The following SGK3 variants were observed in gnomAD, a reference collection of about 807,000 sequenced individuals.
The protein encoded by SGK3 is serine/threonine-protein kinase Sgk3.
Under a neutral mutation model 68.5 loss-of-function variants are expected in SGK3, and 47 were observed. That is an observed-to-expected ratio of 0.69 (90% CI 0.54 to 0.87). The LOEUF is 0.87. SGK3 is among the 40% of genes least tolerant of loss of function. The pLI, the probability that SGK3 is intolerant of heterozygous loss-of-function variation, is 0.00. For synonymous variants in SGK3, 181 were observed against 189.1 expected, an observed-to-expected ratio of 0.96 and a Z score of 0.35; for missense variants, 479 against 575.5, an observed-to-expected ratio of 0.83 and a Z score of 1.72.
intron 1 of SGK3, among the ~76,000 whole-genome samples, chr8:66,759,266 G>T (rs1806082566): frequency 6.7e-6 from 1 of 150,012 alleles, no homozygotes; most frequent in African/African-American, 2.5e-5. Context: ...TTTATTTTTA[G>T]TAGAGATGGG....
At chr8:66,800,902 T>G (rs1468493842) in intron 3 of SGK3, among the ~76,000 whole-genome samples, 1 of 152,196 alleles carries the variant, frequency 6.6e-6, no homozygotes, top group Non-Finnish European at 1.5e-5. Context: ...GGAGGATCAC[T>G]TGAGCCTGGG....
chr8:66,836,159 C>A (rs1809521314), intron 10 of SGK3, 85 bp downstream of exon 10: 11 of 1,508,378 alleles, frequency 7.3e-6, no homozygotes, highest in Non-Finnish European at 9.8e-6. Flanking sequence ...TTTAGAAGGA[C>A]AGTATAAAAT....
At chr8:66,767,608 T>C (rs1456827292) in intron 1 of SGK3, 1 of 1,367,820 alleles carries the variant, frequency 7.3e-7, no homozygotes, top group Non-Finnish European at 1.0e-6. Context: ...AATCTGGTGC[T>C]CTTCAGGCAG....
At chr8:66,820,409 T>C (rs1808764209) in intron 5 of SGK3, among the ~76,000 whole-genome samples, 1 of 152,238 alleles carries the variant, frequency 6.6e-6, no homozygotes, top group South Asian at 2.1e-4. Flanking sequence ...ATGGCTAATA[T>C]CACATTGTAT....
At chr8:66,797,452 C>T (rs759644531) in intron 2 of SGK3, among the ~76,000 whole-genome samples, 3 of 152,240 alleles carry the variant, frequency 2.0e-5, no homozygotes, top group Middle Eastern at 3.4e-3. Context: ...TCTGAGACAA[C>T]CAGATTCCTT....
In SGK3 at chr8:66,850,876, G is replaced by T. The variant is rs1210672549; in HGVS notation, c.1276G>T (p.Asp426Tyr). ...TTTTTTTGAATCACTCAGCTGGGCTGACCTTGTACAAAAGAAGATTCCACC... is the reference window on the plus strand; with the variant it reads ...TTTTTTTGAATCACTCAGCTGGGCTTACCTTGTACAAAAGAAGATTCCACC... ...HPFFESLSWA[D>Y]LVQKKIPPPF... Residue 426 changes from aspartate (D) to tyrosine (Y), a missense_variant, in exon 16 of 17, where the codon GAC becomes TAC. By Grantham distance (160) the Asp-to-Tyr change is radical. Coordinates refer to ENST00000521198, the MANE Select transcript of SGK3 (RefSeq NM_001033578.3). The T allele has an allele frequency of 1.2e-6, 2 of 1,611,576 alleles. No homozygotes were observed. Among genetic ancestry groups the T allele is most frequent in the African/African-American group, 1.3e-5 (1 of 74,870 alleles).
At chr8:66,731,487 A>G (rs190868796) in intron 1 of SGK3, among the ~76,000 whole-genome samples, 1 of 152,250 alleles carries the variant, frequency 6.6e-6, no homozygotes, top group Admixed American at 6.5e-5. Context: ...TTTGAAAATT[A>G]TTTACTTTCT....
At chr8:66,766,520 C>G (rs1563616237) in intron 1 of SGK3, among the ~76,000 whole-genome samples, 1 of 151,964 alleles carries the variant, frequency 6.6e-6, no homozygotes, top group African/African-American at 2.4e-5. Flanking sequence ...AAGACTGTCT[C>G]AAAATATAAA....
chr8:66,786,641 C>T (rs1388838989), intron 1 of SGK3, among the ~76,000 whole-genome samples: 1 of 152,164 alleles, frequency 6.6e-6, no homozygotes, highest in East Asian at 1.9e-4. Context: ...AGTGATTTAA[C>T]CGCTTTATGT....
intron 16 of SGK3, among the ~76,000 whole-genome samples, chr8:66,856,992 C>T (rs531757228): frequency 6.6e-6 from 1 of 152,134 alleles, no homozygotes; most frequent in East Asian, 1.9e-4. Flanking sequence ...ACTCAGAAGT[C>T]TGAGGCACAA....
chr8:66,749,768 T>G (rs2130427647), intron 1 of SGK3, among the ~76,000 whole-genome samples: 1 of 152,202 alleles, frequency 6.6e-6, no homozygotes, highest in South Asian at 2.1e-4. Context: ...ATAATTTAGA[T>G]ATGTTTATAT....
At chr8:66,805,224 A>T (rs1271428002) in intron 4 of SGK3, among the ~76,000 whole-genome samples, 2 of 152,020 alleles carry the variant, frequency 1.3e-5, no homozygotes, top group African/African-American at 4.8e-5. Context: ...ATGGGATACC[A>T]AAAAGATATC....
Position 66,723,129 on chromosome 8 carries a change from A to ATT in SGK3, c.-122+10297_-122+10298insTT, listed in dbSNP as rs1289411840. Among the ~76,000 whole-genome samples the ATT allele has an allele frequency of 9.4e-3, 380 of 40,596 alleles. 2 individuals carry two copies. The highest frequency in any genetic ancestry group is 0.013 in the Non-Finnish European group (286 of 21,454). The allele number at this position is 40,596 out of a possible 152,430, so 26.6% of individuals were successfully genotyped here. ...TATATATATATATATATATATATATATATTTTTTTTTTTTTTTTTTTTTGT... is the reference window on the plus strand; with the variant it reads ...TATATATATATATATATATATATATATTTATTTTTTTTTTTTTTTTTTTTTGT... On this transcript the variant is annotated intron_variant, in intron 1 of 16. Transcript: ENST00000521198.
rs571727471 is a variant in SGK3 at position 66,741,528 on chromosome 8, C to T, written c.-122+28695C>T. Reference sequence around the variant, plus strand: ...TCGCACCGCTGCACTCCAGCCTGGACGACAGAGCAAGACTCCATCTCAAAA... The same window carrying T: ...TCGCACCGCTGCACTCCAGCCTGGATGACAGAGCAAGACTCCATCTCAAAA... On this transcript the variant is annotated intron_variant, in intron 1 of 16. Transcript: ENST00000521198. 3.2e-4 allele frequency among the ~76,000 whole-genome samples: 49 copies of T among 151,878 alleles called. 1 individual carries two copies. Among genetic ancestry groups the T allele is most frequent in the East Asian group, 1.9e-3 (10 of 5,158 alleles).
At position 66,859,542 on chromosome 8, in the gene SGK3, T is replaced by C; in HGVS notation, c.1452T>C (p.Gly484=). ...TGGAGGCAGATGATGCATTCGTTGG[T>C]TTCTCTTATGCACCTCCTTCAGAAG... is the stretch of plus-strand genomic sequence containing the variant. ...SVLEADDAFV[G]FSYAPPSEDL... Residue 484 remains glycine (G), a synonymous_variant, in exon 17 of 17, where the codon GGT becomes GGC. Transcript: ENST00000521198. 1 of 1,613,306 alleles carries C rather than the reference T, an allele frequency of 6.2e-7. No homozygotes were observed. The highest frequency in any genetic ancestry group is 8.5e-7 in the Non-Finnish European group (1 of 1,179,488).
chr8:66,794,914 A>C (rs1807614946), intron 2 of SGK3, among the ~76,000 whole-genome samples: 1 of 152,200 alleles, frequency 6.6e-6, no homozygotes, highest in Non-Finnish European at 1.5e-5. Context: ...CCTGCAGTTG[A>C]TGAACTAACC....
At chr8:66,757,665 A>G (rs1806021109) in intron 1 of SGK3, among the ~76,000 whole-genome samples, 1 of 151,918 alleles carries the variant, frequency 6.6e-6, no homozygotes, top group Admixed American at 6.6e-5. Flanking sequence ...CTGTAATCCC[A>G]GCACTTTGGG....
At chr8:66,844,502 A>G (rs1269280088) in intron 14 of SGK3, among the ~76,000 whole-genome samples, 2 of 152,216 alleles carry the variant, frequency 1.3e-5, no homozygotes, top group Non-Finnish European at 2.9e-5. Flanking sequence ...TTCCAACCCA[A>G]AGCAAACAGT....
intron 6 of SGK3, 108 bp downstream of exon 6, chr8:66,822,567 T>A: frequency 1.4e-5 from 14 of 1,031,802 alleles, no homozygotes; most frequent in Non-Finnish European, 1.7e-5. Context: ...CATAGTAGAG[T>A]TTCTACTATG....
Sources: allele counts gnomAD v4.1 joint callset (sites outside exome capture counted in the v4.1 genomes callset), GRCh38; gene constraint gnomAD v4.1.1; transcripts MANE v1.5; gene names NCBI Gene and HGNC (gene_info 2026-07-23, HGNC 2026-07-21).